AIG1: variants seen among roughly 807,000 people sequenced by gnomAD.
AIG1 encodes the protein androgen-induced gene 1 protein.
In AIG1, 23 loss-of-function variants were observed where a neutral mutation model predicts 31.4. The observed-to-expected ratio is 0.73, with a 90% CI of 0.53 to 1.04. The LOEUF (loss-of-function observed/expected upper bound fraction) is 1.04, where lower values mean the gene tolerates loss of function less well. AIG1 is among the 50% of genes least tolerant of loss of function. AIG1 has a pLI of 0.00. For missense variants in AIG1, 274 were observed against 295.0 expected (o/e 0.93, Z 0.52); for synonymous variants, 100 against 110.5 (o/e 0.90, Z 0.60).
At position 143,288,825 on chromosome 6, in the gene AIG1, A is replaced by G. The variant is rs1797866369; in HGVS notation, c.515+4600A>G. ...AAGTTACAAGCAAAGACATAAATCT[A>G]TACCTGTAAGGTATGCATTGATTTG... On this transcript the variant is annotated intron_variant, in intron 4 of 5. Transcript: ENST00000357847. This position sits in a 1 kb window ranked among gnomAD's most constrained non-coding sequence, Gnocchi z 4.4. 6.6e-6 allele frequency among the ~76,000 whole-genome samples: 1 copy of G among 152,206 alleles called. No individual in the cohort carries two copies. The highest frequency in any genetic ancestry group is 2.4e-5 in the African/African-American group (1 of 41,468).
rs560719722 is a variant in AIG1, at chr6:143,103,070, A to G, written c.142-33765A>G. On this transcript the variant is annotated intron_variant, in intron 1 of 5. Coordinates refer to ENST00000357847, the MANE Select transcript of AIG1 (RefSeq NM_016108.4). Reference sequence around the variant, plus strand: ...CACATTTAAAACCAGAACAAAGGCAATGAAGGAACAGTCATTTTTATTAGT... The same window carrying G: ...CACATTTAAAACCAGAACAAAGGCAGTGAAGGAACAGTCATTTTTATTAGT... Among the ~76,000 whole-genome samples the G allele has an allele frequency of 7.9e-5, 12 of 152,352 alleles. 1 individual carries two copies. The South Asian group carries it at 2.1e-3, about 26-fold the overall frequency.
At chr6:143,301,067 A>T (rs1034188890) in intron 4 of AIG1, among the ~76,000 whole-genome samples, 1 of 152,194 alleles carries the variant, frequency 6.6e-6, no homozygotes, top group African/African-American at 2.4e-5. Flanking sequence ...ATGTATCTTT[A>T]AACTAACTGT....
chr6:143,284,055 A>T lies in AIG1; in HGVS notation c.400-55A>T. ...GCATTCTCCTACTGGTGAAAAAACA[A>T]CTATAGAGAGACAATGATAGCAATC... On this transcript the variant is annotated intron_variant, in intron 3 of 5. Transcript: ENST00000357847. This position sits in a 1 kb window ranked among gnomAD's most constrained non-coding sequence, Gnocchi z 4.4. The T allele has an allele frequency of 7.3e-7, 1 of 1,374,084 alleles. No individual in the cohort carries two copies. Among genetic ancestry groups the T allele is most frequent in the Non-Finnish European group, 1.0e-6 (1 of 968,336 alleles). 85.1% of individuals were successfully genotyped at this position (1,374,084 alleles called of 1,614,324 possible).
intron 3 of AIG1, among the ~76,000 whole-genome samples, chr6:143,260,907 A>ACCC (rs59252728): frequency 2.8e-4 from 43 of 151,092 alleles, no homozygotes; most frequent in African/African-American, 9.5e-4. Flanking sequence ...ATTCCCCTTC[A>ACCC]CCCCCCCGCC....
intron 3 of AIG1, among the ~76,000 whole-genome samples, chr6:143,173,335 T>C (rs1053744757): frequency 6.6e-6 from 1 of 152,220 alleles, no homozygotes; most frequent in African/African-American, 2.4e-5. Flanking sequence ...AGTGCTGGGA[T>C]TAAAGACGTG....
chr6:143,323,095 A>G (rs943510375), intron 4 of AIG1, among the ~76,000 whole-genome samples: 3 of 152,182 alleles, frequency 2.0e-5, no homozygotes, highest in Admixed American at 6.5e-5. Context: ...TCCAAGGTGA[A>G]CTAACAAATT....
At chr6:143,300,601 C>G (rs542600251) in intron 4 of AIG1, among the ~76,000 whole-genome samples, 2 of 152,188 alleles carry the variant, frequency 1.3e-5, no homozygotes, top group Non-Finnish European at 2.9e-5. Context: ...CCTTCCCTAA[C>G]CATTGCTTTC....
At chr6:143,230,564 T>A (rs1674217351) in intron 3 of AIG1, among the ~76,000 whole-genome samples, 1 of 149,922 alleles carries the variant, frequency 6.7e-6, no homozygotes. Context: ...AACTATAATA[T>A]GATTAATATT....
intron 1 of AIG1, among the ~76,000 whole-genome samples, chr6:143,081,304 T>G (rs922825947): frequency 6.6e-6 from 1 of 152,106 alleles, no homozygotes. Context: ...ACTCCCTGCG[T>G]TACTGCAGCC....
At chr6:143,308,262 C>T (rs1300927191) in intron 4 of AIG1, among the ~76,000 whole-genome samples, 1 of 152,244 alleles carries the variant, frequency 6.6e-6, no homozygotes, top group East Asian at 1.9e-4. Flanking sequence ...AACCTGGTAC[C>T]TCAGATGGAA....
chr6:143,190,200 A>G, intron 3 of AIG1: 1 of 916,886 alleles, frequency 1.1e-6, no homozygotes. Flanking sequence ...TGAGAAAAAG[A>G]AAGGAAAGTA....
intron 1 of AIG1, among the ~76,000 whole-genome samples, chr6:143,093,589 G>T (rs1779499559): frequency 6.6e-6 from 1 of 152,124 alleles, no homozygotes; most frequent in South Asian, 2.1e-4. Context: ...CACAACTTGG[G>T]TAACTGTTTA....
At chr6:143,319,304 A>T (rs1300212895) in intron 4 of AIG1, among the ~76,000 whole-genome samples, 1 of 152,220 alleles carries the variant, frequency 6.6e-6, no homozygotes, top group Non-Finnish European at 1.5e-5. Context: ...CATAAAAAGG[A>T]ATGAAATAAT....
chr6:143,127,269 T>C (rs9403446), intron 1 of AIG1, among the ~76,000 whole-genome samples: 4,241 of 152,274 alleles, frequency 0.028, 158 homozygotes, highest in African/African-American at 0.079. Context: ...TCTTTCCCAT[T>C]TGTTCTCTCC....
intron 1 of AIG1, among the ~76,000 whole-genome samples, chr6:143,083,505 G>A (rs879389499): frequency 6.6e-6 from 1 of 152,166 alleles, no homozygotes; most frequent in Admixed American, 6.5e-5. Flanking sequence ...GCTTCCTCTA[G>A]TATTTGGGAA....
At position 143,258,514 on chromosome 6, in the gene AIG1, TTTC is replaced by T. The variant is rs569775124; in HGVS notation, c.400-25590_400-25588del. On this transcript the variant is annotated intron_variant, in intron 3 of 5. Transcript: ENST00000357847. This position sits in a 1 kb window ranked among gnomAD's most constrained non-coding sequence, Gnocchi z 4.7. ...CTCACAAAATTTTTGTTTAAAGATTTTTCTTCTTGCAAATGCTTCTGACTGCAG... is the reference window on the plus strand; with the variant it reads ...CTCACAAAATTTTTGTTTAAAGATTTTTCTTGCAAATGCTTCTGACTGCAG... Among the ~76,000 whole-genome samples the T allele has an allele frequency of 7.9e-5, 12 of 152,344 alleles. No homozygotes were observed. In the South Asian group the frequency reaches 2.5e-3, roughly 32 times the overall value.
intron 3 of AIG1, among the ~76,000 whole-genome samples, chr6:143,181,876 G>T (rs1319015889): frequency 2.6e-5 from 4 of 152,132 alleles, no homozygotes; most frequent in Non-Finnish European, 5.9e-5. Context: ...GGAAAAGGGG[G>T]AGACCAGAGG....
At chr6:143,190,004 A>G in intron 3 of AIG1, 1 of 463,406 alleles carries the variant, frequency 2.2e-6, no homozygotes, top group Non-Finnish European at 2.8e-6. Flanking sequence ...GTGTCCTCAC[A>G]TGGTGGAAGG....
chr6:143,129,030 G>T (rs745645198), intron 1 of AIG1, among the ~76,000 whole-genome samples: 4 of 152,172 alleles, frequency 2.6e-5, no homozygotes, highest in African/African-American at 9.7e-5. Flanking sequence ...GGTGGCTCAT[G>T]CCTGTAATCC....
Sources: gnomAD v4.1 joint callset for allele counts (sites outside exome capture counted in the v4.1 genomes callset) on GRCh38, gnomAD v4.1.1 for gene constraint, Gnocchi (gnomAD v3.1) non-coding constraint, MANE v1.5 for transcripts, NCBI Gene and HGNC (gene_info 2026-07-23, HGNC 2026-07-21) for gene names.